MICALL2: variants seen among roughly 807,000 people sequenced by gnomAD.
MICALL2 encodes MICAL like 2, also known as MICAL-like protein 2.
In MICALL2, 111 loss-of-function variants were observed where a neutral mutation model predicts 91.1. That is an observed-to-expected ratio of 1.22 (90% confidence interval 1.04 to 1.43). The LOEUF (loss-of-function observed/expected upper bound fraction) is 1.43, where lower values mean the gene tolerates loss of function less well. Ranked by LOEUF, MICALL2 falls within the 40% of genes most tolerant of loss-of-function variation. MICALL2 has a pLI of 0.00. For missense variants in MICALL2, 1,556 were observed against 1,236.0 expected (o/e 1.26, Z -3.88); for synonymous variants, 694 against 525.3 (o/e 1.32, Z -4.39).
At chr7:1,448,092 A>C in intron 3 of MICALL2, 1 of 216,776 alleles carries the variant, frequency 4.6e-6, no homozygotes, top group Admixed American at 5.6e-5. Flanking sequence ...GGGGGTGGGG[A>C]GCTGAGCTCT....
In MICALL2 at chr7:1,436,826, C is replaced by A. The variant is rs747880537; in HGVS notation, c.2507G>T (p.Arg836Leu). The change falls in exon 15 of 17, where the codon CGG becomes CTG. Residue 836 changes from arginine (R) to leucine (L), a missense_variant. Coordinates refer to ENST00000297508, the MANE Select transcript of MICALL2 (RefSeq NM_182924.4). ...GTACTGCTCCAGCAGCTCCTGCTCC[C>A]GCCGCCGCTCCTGCAGTGACTTCAG... ...EALKSLQERR[R>L]EQELLEQYVS... 6.2e-7 allele frequency: 1 copy of A among 1,604,004 alleles called. No homozygotes were observed. The highest frequency in any genetic ancestry group is 1.3e-5 in the African/African-American group (1 of 74,356).
At chr7:1,439,862 C>A in intron 9 of MICALL2, 63 bp downstream of exon 9, 4 of 1,360,944 alleles carry the variant, frequency 2.9e-6, no homozygotes, top group Admixed American at 3.9e-5. Context: ...GTCCCGGGGC[C>A]CCCACCCAAG....
At chr7:1,440,954 G>A in intron 7 of MICALL2, 1 of 471,860 alleles carries the variant, frequency 2.1e-6, no homozygotes, top group Non-Finnish European at 3.9e-6. Context: ...TGGGGACGTG[G>A]CAGGGTGAGC....
chr7:1,446,918 T>G, intron 4 of MICALL2, 90 bp from the exon 5 acceptor site: 1 of 918,916 alleles, frequency 1.1e-6, no homozygotes, highest in Non-Finnish European at 1.6e-6. Context: ...GAGCCCATCT[T>G]ACAGATGGAG....
At chr7:1,434,980 T>TGTCC in intron 16 of MICALL2, 121 bp downstream of exon 16, 1 of 628,930 alleles carries the variant, frequency 1.6e-6, no homozygotes, top group Non-Finnish European at 2.8e-6. Flanking sequence ...GGGGACCCGA[T>TGTCC]ACCCGCCCCC....
chr7:1,455,933 G>T (rs1283536101), intron 1 of MICALL2, among the ~76,000 whole-genome samples: 2 of 152,004 alleles, frequency 1.3e-5, no homozygotes, highest in Non-Finnish European at 2.9e-5. Flanking sequence ...GAGCTGCCCT[G>T]AGAGGACAAC....
chr7:1,452,521 C>A lies in MICALL2; in HGVS notation c.144-2233G>T, dbSNP rs562417471. On this transcript the variant is annotated intron_variant, in intron 1 of 16. Transcript: ENST00000297508. This position sits in a 1 kb window ranked among gnomAD's most constrained non-coding sequence, Gnocchi z 6.2. ...GCGGCCATGTCCCCGGAAAGAATGC[C>A]CGGACGGCCGGGAGGGCAGTGTCAC... Among the ~76,000 whole-genome samples the A allele has an allele frequency of 7.2e-4, 110 of 152,318 alleles. No homozygotes were observed. The highest frequency in any genetic ancestry group is 2.6e-3 in the African/African-American group (108 of 41,572).
Position 1,440,075 on chromosome 7 carries a change from G to A in MICALL2, c.1816C>T (p.Pro606Ser). ...TCTGCCAGGGCCCGTGGTTCCTTGGGCTTCAGAGTCCTGGGCAGAAGGCAT... is the reference window on the plus strand; with the variant it reads ...TCTGCCAGGGCCCGTGGTTCCTTGGACTTCAGAGTCCTGGGCAGAAGGCAT... ...RRSPAERTLKPKEPRALAEPR... is the reference protein window; with the variant it reads ...RRSPAERTLKSKEPRALAEPR... The change falls in exon 9 of 17, where the codon CCC becomes TCC. Residue 606 changes from proline (P) to serine (S), a missense_variant. Coordinates refer to ENST00000297508, the MANE Select transcript of MICALL2 (RefSeq NM_182924.4). 1 of 1,588,880 alleles carries A rather than the reference G, an allele frequency of 6.3e-7. No homozygotes were observed. Among genetic ancestry groups the A allele is most frequent in the South Asian group, 1.1e-5 (1 of 87,184 alleles).
chr7:1,442,131 C>T, intron 7 of MICALL2, 61 bp downstream of exon 7: 1 of 1,572,322 alleles, frequency 6.4e-7, no homozygotes, highest in South Asian at 1.1e-5. Context: ...AGAGTGCGGC[C>T]AGGGGAGAGT....
At position 1,444,949 on chromosome 7, in the gene MICALL2, G is replaced by A. The variant is rs1411480567; in HGVS notation, c.1121C>T (p.Ala374Val). ...VPPSAPDPRP[A>V]TPQGGGAPRV... ...GGGGGCTCCCCCACCCTGGGGTGTG[G>A]CCGGGCGAGGGTCTGGGGCACTCGG... Residue 374 changes from alanine to valine, a missense_variant, in exon 6 of 17, where the codon GCC (alanine) becomes GTC (valine). Coordinates refer to ENST00000297508, the MANE Select transcript of MICALL2 (RefSeq NM_182924.4). 6.6e-7 allele frequency: 1 copy of A among 1,512,580 alleles called. No homozygotes were observed. Among genetic ancestry groups the A allele is most frequent in the South Asian group, 1.3e-5 (1 of 78,736 alleles). 93.7% of individuals were successfully genotyped at this position (1,512,580 alleles called of 1,614,324 possible). A position where few individuals can be genotyped will look rare whatever the true frequency, so the allele number is the denominator to read the frequency against.
At chr7:1,434,782 G>T in intron 16 of MICALL2, 110 bp from the exon 17 acceptor site, 1 of 1,164,196 alleles carries the variant, frequency 8.6e-7, no homozygotes, top group Non-Finnish European at 1.2e-6. Flanking sequence ...GCCACAATCC[G>T]CCCTGGGCCT....
intron 5 of MICALL2, 166 bp downstream of exon 5, chr7:1,446,547 C>T (rs1318231684): frequency 3.9e-6 from 2 of 506,766 alleles, no homozygotes; most frequent in Non-Finnish European, 7.0e-6. Context: ...GGGGAGGAGG[C>T]GGGAGGAGGG....
In MICALL2 at chr7:1,444,948, G is replaced by A. The variant is rs555310250; in HGVS notation, c.1122C>T (p.Ala374=). The A allele has an allele frequency of 3.2e-5, 48 of 1,512,514 alleles. No homozygotes were observed. In the African/African-American group the frequency reaches 6.5e-4, roughly 20 times the overall value. 93.7% of individuals were successfully genotyped at this position (1,512,514 alleles called of 1,614,324 possible). A position where few individuals can be genotyped will look rare whatever the true frequency, so the allele number is the denominator to read the frequency against. The change falls in exon 6 of 17, where the codon GCC becomes GCT. Residue 374 remains alanine (A), a synonymous_variant. Transcript: ENST00000297508. ...GGGGGGCTCCCCCACCCTGGGGTGT[G>A]GCCGGGCGAGGGTCTGGGGCACTCG... ...VPPSAPDPRP[A]TPQGGGAPRV...
At position 1,445,124 on chromosome 7, in the gene MICALL2, C is replaced by A. The variant is rs371363067; in HGVS notation, c.946G>T (p.Val316Leu). 6.4e-7 allele frequency: 1 copy of A among 1,558,864 alleles called. No individual in the cohort carries two copies. The highest frequency in any genetic ancestry group is 1.2e-5 in the South Asian group (1 of 85,106). ...PAATSATSVHVRSPARPSESR... is the reference protein window; with the variant it reads ...PAATSATSVHLRSPARPSESR... ...TCAGAGGGCCTGGCTGGGCTCCTCA[C>A]GTGGACGGACGTGGCGCTGGTGGCT... is the stretch of plus-strand genomic sequence containing the variant. The change falls in exon 6 of 17, where the codon GTG becomes TTG. Residue 316 changes from valine (V) to leucine (L), a missense_variant. Coordinates refer to ENST00000297508, the MANE Select transcript of MICALL2 (RefSeq NM_182924.4).
At chr7:1,447,879 G>A in intron 3 of MICALL2, 114 bp from the exon 4 acceptor site, 1 of 834,870 alleles carries the variant, frequency 1.2e-6, no homozygotes, top group Non-Finnish European at 1.7e-6. Context: ...GGGACCTGGG[G>A]GCCCAGGGCT....
chr7:1,455,697 T>C (rs1191274311), intron 1 of MICALL2, among the ~76,000 whole-genome samples: 1 of 151,902 alleles, frequency 6.6e-6, no homozygotes, highest in African/African-American at 2.4e-5. Flanking sequence ...CTGGCTGGCC[T>C]GGCGCCCGAG....
In MICALL2 at chr7:1,459,439, C is replaced by A. The variant is rs1326140762; in HGVS notation, c.-113G>T. The A allele has an allele frequency of 1.2e-5, 12 of 1,020,896 alleles. 1 individual carries two copies. In the South Asian group the frequency reaches 2.6e-4, roughly 22 times the overall value. 63.2% of individuals were successfully genotyped at this position (1,020,896 alleles called of 1,614,324 possible). On this transcript the variant is annotated 5_prime_UTR_variant, in exon 1 of 17. Transcript: ENST00000297508. ...CTGGGACCGCTACGGAACCGCCAGA[C>A]CCACGGCGCCCAGCCCCAGCTGAGC...
chr7:1,452,783 A>T lies in MICALL2; in HGVS notation c.144-2495T>A, dbSNP rs1467828109. On this transcript the variant is annotated intron_variant, in intron 1 of 16. Transcript: ENST00000297508. This position sits in a 1 kb window ranked among gnomAD's most constrained non-coding sequence, Gnocchi z 6.2. Reference sequence around the variant, plus strand: ...ACAGGTCTGGGCTGCGAGTTCAAGCATCGCGGCCTCAGGATGAGGTTCAAG... The same window carrying T: ...ACAGGTCTGGGCTGCGAGTTCAAGCTTCGCGGCCTCAGGATGAGGTTCAAG... 1.3e-5 allele frequency among the ~76,000 whole-genome samples: 2 copies of T among 152,112 alleles called. No individual in the cohort carries two copies. Among genetic ancestry groups the T allele is most frequent in the Non-Finnish European group, 2.9e-5 (2 of 68,020 alleles).
chr7:1,434,724 C>T (rs372218830), intron 16 of MICALL2, 52 bp from the exon 17 acceptor site: 86 of 1,494,248 alleles, frequency 5.8e-5, no homozygotes, highest in Admixed American at 1.8e-4. Context: ...GCCGCACAGC[C>T]GTGGCCCACA....
Sources: gnomAD v4.1 joint callset for allele counts (sites outside exome capture counted in the v4.1 genomes callset) on GRCh38, gnomAD v4.1.1 for gene constraint, Gnocchi (gnomAD v3.1) non-coding constraint, MANE v1.5 for transcripts, NCBI Gene and HGNC (gene_info 2026-07-23, HGNC 2026-07-21) for gene names.